The following RPL28 variants were observed in gnomAD, a reference collection of about 807,000 sequenced individuals.
RPL28 encodes the protein large ribosomal subunit protein eL28.
Under a neutral mutation model 12.5 loss-of-function variants are expected in RPL28, and 4 were observed. The observed-to-expected ratio is 0.32, with a 90% CI of 0.16 to 0.73. The LOEUF (loss-of-function observed/expected upper bound fraction) is 0.73, where lower values mean the gene tolerates loss of function less well. RPL28 is among the 30% of genes least tolerant of loss of function. The probability of loss-of-function intolerance (pLI) is 0.66; values close to 1 mark genes in which losing one functional copy is unlikely to be tolerated. For missense variants in RPL28, 214 were observed against 197.7 expected (o/e 1.08, Z -0.49); for synonymous variants, 91 against 72.5 (o/e 1.26, Z -1.30).
intron 1 of RPL28, 52 bp from the exon 2 acceptor site, chr19:55,386,298 G>C: frequency 6.4e-7 from 1 of 1,565,818 alleles, no homozygotes; most frequent in East Asian, 2.3e-5. Context: ...GTGGCCTAAC[G>C]CTGCTTTAGT....
downstream of RPL28, among the ~76,000 whole-genome samples, chr19:55,396,482 C>A (rs867737901): frequency 1.7e-4 from 2 of 12,080 alleles, no homozygotes; most frequent in Non-Finnish European, 2.8e-4. Flanking sequence ...AGTTCTCCCC[C>A]CTCCCCTCCC....
At chr19:55,398,993 C>T (rs1324001065) in intron 4 of RPL28, among the ~76,000 whole-genome samples, 1 of 151,952 alleles carries the variant, frequency 6.6e-6, no homozygotes, top group Admixed American at 6.6e-5. Flanking sequence ...AACCACCGTG[C>T]CCGGTTTGTT....
intron 4 of RPL28, among the ~76,000 whole-genome samples, chr19:55,397,378 A>G (rs933242486): frequency 7.2e-5 from 11 of 152,122 alleles, no homozygotes; most frequent in South Asian, 2.1e-4. Flanking sequence ...AATCGGGACA[A>G]ATGTTTTTGT....
chr19:55,402,840 T>C, intron 4 of RPL28: 1 of 961,388 alleles, frequency 1.0e-6, no homozygotes, highest in Non-Finnish European at 1.5e-6. Flanking sequence ...ACCTTGGAGC[T>C]CAATCCTCTC....
chr19:55,401,179 TC>T (rs1249986769), intron 4 of RPL28: 34 of 555,258 alleles, frequency 6.1e-5, no homozygotes, highest in Middle Eastern at 4.7e-4. Context: ...ACTGCTGCAG[TC>T]CATGAGGCTT....
Position 55,389,997 on chromosome 19 carries a change from C to T in RPL28, c.*1665C>T, listed in dbSNP as rs2089975279. The T allele has an allele frequency of 3.0e-6, 3 of 985,358 alleles. No individual in the cohort carries two copies. Among genetic ancestry groups the T allele is most frequent in the Middle Eastern group, 5.2e-4 (1 of 1,936 alleles). The allele number at this position is 985,358 out of a possible 1,614,324, so 61.0% of individuals were successfully genotyped here. On this transcript the variant is annotated 3_prime_UTR_variant, in exon 5 of 5. Transcript: ENST00000344063. ...GCTCACTGCTCACGTTAGTAGATGG[C>T]CCCTTCTCGTGAGGCCTCTCCCCTG...
At chr19:55,396,488 C>G (rs2090023395), downstream of RPL28, among the ~76,000 whole-genome samples, 1 of 7,956 alleles carries the variant, frequency 1.3e-4, no homozygotes, top group Non-Finnish European at 2.2e-4. Flanking sequence ...CCCCCCTCCC[C>G]TCCCCACCCC....
intron 4 of RPL28, among the ~76,000 whole-genome samples, chr19:55,402,434 A>G (rs950316080): frequency 2.0e-5 from 3 of 152,138 alleles, no homozygotes; most frequent in Non-Finnish European, 4.4e-5. Context: ...CCCCCTTCAC[A>G]GCCCGTCCTG....
At chr19:55,393,292 C>T (rs150191727), downstream of RPL28, among the ~76,000 whole-genome samples, 13 of 123,510 alleles carry the variant, frequency 1.1e-4, no homozygotes, top group Non-Finnish European at 1.9e-4. Context: ...CCAAACCTTT[C>T]TCTAGGGCCA....
In RPL28 at chr19:55,391,879, C is replaced by G; in HGVS notation, c.*3547C>G. 1 of 1,369,320 alleles carries G rather than the reference C, an allele frequency of 7.3e-7. No individual in the cohort carries two copies. Among genetic ancestry groups the G allele is most frequent in the South Asian group, 1.7e-5 (1 of 58,368 alleles). 84.8% of individuals were successfully genotyped at this position (1,369,320 alleles called of 1,614,324 possible). A position where few individuals can be genotyped will look rare whatever the true frequency, so the allele number is the denominator to read the frequency against. Reference sequence around the variant, plus strand: ...CAAGCACCTGGAAGACATGCCAGATCCATGTGCAGTAATGCCTGGTGGCTC... The same window carrying G: ...CAAGCACCTGGAAGACATGCCAGATGCATGTGCAGTAATGCCTGGTGGCTC... On this transcript the variant is annotated 3_prime_UTR_variant, in exon 5 of 5. Transcript: ENST00000344063.
Position 55,391,322 on chromosome 19 carries a change from C to A in RPL28, c.*2990C>A. ...GGGCAGCTCGTTTAGTAGCACCGTG[C>A]CTCAGTTTCCCATATGTAAAAGGCC... On this transcript the variant is annotated 3_prime_UTR_variant, in exon 5 of 5. Transcript: ENST00000344063. 1 of 832,474 alleles carries A rather than the reference C, an allele frequency of 1.2e-6. No individual in the cohort carries two copies. Among genetic ancestry groups the A allele is most frequent in the Non-Finnish European group, 1.6e-6 (1 of 628,186 alleles). The allele number at this position is 832,474 out of a possible 1,614,324, so 51.6% of individuals were successfully genotyped here.
downstream of RPL28, among the ~76,000 whole-genome samples, chr19:55,395,356 G>C (rs1379908449): frequency 1.3e-5 from 2 of 151,616 alleles, no homozygotes; most frequent in African/African-American, 4.8e-5. Flanking sequence ...GGCTGGTCTT[G>C]AACTGACCTC....
intron 1 of RPL28, 52 bp from the exon 2 acceptor site, chr19:55,386,298 G>A: frequency 1.3e-6 from 2 of 1,565,818 alleles, no homozygotes; most frequent in Non-Finnish European, 1.7e-6. Context: ...GTGGCCTAAC[G>A]CTGCTTTAGT....
downstream of RPL28, among the ~76,000 whole-genome samples, chr19:55,394,206 G>A (rs2090009008): frequency 6.6e-6 from 1 of 152,174 alleles, no homozygotes; most frequent in South Asian, 2.1e-4. Flanking sequence ...AGGTAGCAGT[G>A]AGCCAAGATC....
intron 3 of RPL28, chr19:55,387,249 A>C (rs2089940396): frequency 2.6e-6 from 4 of 1,540,184 alleles, no homozygotes; most frequent in African/African-American, 2.7e-5. Flanking sequence ...GTCCAGCTTC[A>C]CATGTGTTCT....
chr19:55,394,248 C>CGA (rs144446654), downstream of RPL28, among the ~76,000 whole-genome samples: 733 of 152,200 alleles, frequency 4.8e-3, 1 homozygote, highest in Non-Finnish European at 7.9e-3. Flanking sequence ...TGTGACAGAG[C>CGA]GAGACTCCGT....
In RPL28 at chr19:55,391,608, T is replaced by C; in HGVS notation, c.*3276T>C. On this transcript the variant is annotated 3_prime_UTR_variant, in exon 5 of 5. Coordinates refer to ENST00000344063, the MANE Select transcript of RPL28 (RefSeq NM_000991.5). ...CTGCTGCTCGGTGGCTGTGCAACCT[T>C]GGGCAAGTTCCTCAACCTCTCTGTG... 1 of 1,549,022 alleles carries C rather than the reference T, an allele frequency of 6.5e-7. No homozygotes were observed. The highest frequency in any genetic ancestry group is 8.7e-7 in the Non-Finnish European group (1 of 1,144,600).
intron 3 of RPL28, chr19:55,386,944 G>A: frequency 6.8e-7 from 1 of 1,466,082 alleles, no homozygotes; most frequent in Non-Finnish European, 9.0e-7. Flanking sequence ...GGTGGTTGTT[G>A]AGAGTTAAGG....
Position 55,386,429 on chromosome 19 carries a change from C to T in RPL28, c.72C>T (p.Thr24=), listed in dbSNP as rs528404085. The change falls in exon 2 of 5, where the codon ACC becomes ACT. Residue 24 remains threonine (T), a synonymous_variant. Transcript: ENST00000344063. ...SSFLIKRNKQ[T]YSTEPNNLKA... ...TCCTGATCAAGAGGAATAAGCAGAC[C>T]TACAGCACTGTAAGTGGGGCCCGGA... 2 of 1,614,010 alleles carry T rather than the reference C, an allele frequency of 1.2e-6. No homozygotes were observed. Among genetic ancestry groups the T allele is most frequent in the Non-Finnish European group, 1.7e-6 (2 of 1,179,888 alleles).
Sources: gnomAD v4.1 joint callset for allele counts (sites outside exome capture counted in the v4.1 genomes callset) on GRCh38, gnomAD v4.1.1 for gene constraint, MANE v1.5 for transcripts, NCBI Gene and HGNC (gene_info 2026-07-23, HGNC 2026-07-21) for gene names.